TADA1: variants seen among roughly 807,000 people sequenced by gnomAD.
TADA1 encodes transcriptional adaptor 1.
Under a neutral mutation model 39.3 loss-of-function variants are expected in TADA1, and 23 were observed. That is an observed-to-expected ratio of 0.58 (90% CI 0.42 to 0.83). TADA1 has a LOEUF of 0.83. TADA1 is among the 40% of genes least tolerant of loss of function. The probability of loss-of-function intolerance (pLI) is 0.00; values close to 1 mark genes in which losing one functional copy is unlikely to be tolerated. For missense variants in TADA1, 352 were observed against 408.1 expected, an observed-to-expected ratio of 0.86 and a Z score of 1.18; for synonymous variants, 137 against 151.8, an observed-to-expected ratio of 0.90 and a Z score of 0.72.
Position 166,870,941 on chromosome 1 carries a change from C to T in TADA1, c.75-1087G>A, listed in dbSNP as rs1265687107. 2.0e-5 allele frequency among the ~76,000 whole-genome samples: 3 copies of T among 152,238 alleles called. No homozygotes were observed. In the East Asian group the frequency reaches 5.8e-4, roughly 29 times the overall value. ...TCTCACTGTCACCTTTCTAATAGAC[C>T]TACTCTCCAGAATCCTGCATTTAAG... On this transcript the variant is annotated intron_variant, in intron 1 of 7. Transcript: ENST00000367874.
At chr1:166,876,060 G>A in intron 1 of TADA1, 100 bp downstream of exon 1, 3 of 1,219,194 alleles carry the variant, frequency 2.5e-6, no homozygotes, top group Non-Finnish European at 3.4e-6. Flanking sequence ...AGGCTGCACA[G>A]GCCCCCGGGC....
Position 166,857,346 on chromosome 1 carries a change from C to T in TADA1, c.*221G>A, listed in dbSNP as rs772694876. ...AGGCACAGGATTTCATTAGTGCCTG[C>T]TCCCACAACTGGGAACACATACATA... On this transcript the variant is annotated 3_prime_UTR_variant, in exon 8 of 8. Coordinates refer to ENST00000367874, the MANE Select transcript of TADA1 (RefSeq NM_053053.4). The T allele has an allele frequency of 1.0e-4, 52 of 503,234 alleles. No homozygotes were observed. The South Asian group carries it at 1.6e-3, about 16-fold the overall frequency. 31.2% of individuals were successfully genotyped at this position (503,234 alleles called of 1,614,324 possible). A position where few individuals can be genotyped will look rare whatever the true frequency, so the allele number is the denominator to read the frequency against.
At position 166,857,648 on chromosome 1, in the gene TADA1, C is replaced by A. The variant is rs1391170494; in HGVS notation, c.927G>T (p.Trp309Cys). 1 of 1,614,048 alleles carries A rather than the reference C, an allele frequency of 6.2e-7. No homozygotes were observed. The highest frequency in any genetic ancestry group is 8.5e-7 in the Non-Finnish European group (1 of 1,180,050). ...GCTGCAGCTCTTCATGATTTGGATGCCAGAGTTTCGTGATGATCCTTTCAA... is the reference window on the plus strand; with the variant it reads ...GCTGCAGCTCTTCATGATTTGGATGACAGAGTTTCGTGATGATCCTTTCAA... ...LNIERIITKL[W>C]HPNHEELQQD... Residue 309 changes from tryptophan to cysteine, a missense_variant, in exon 8 of 8, where the codon TGG becomes TGT. This residue lies in a region of TADA1 where 285 missense variants were observed against 310.9 expected (regional missense o/e 0.92). Coordinates refer to ENST00000367874, the MANE Select transcript of TADA1 (RefSeq NM_053053.4).
In TADA1 at chr1:166,860,286, G is replaced by A. The variant is rs776604977; in HGVS notation, c.592C>T (p.Arg198Trp). Residue 198 changes from arginine (R) to tryptophan (W), a missense_variant, in exon 6 of 8, where the codon CGG (arginine) becomes TGG (tryptophan). Coordinates refer to ENST00000367874, the MANE Select transcript of TADA1 (RefSeq NM_053053.4). ...TATTTAAAATGACCATCTCGTAACC[G>A]ATAAGCTTTCCTTCTTGACACAACT... is the stretch of plus-strand genomic sequence containing the variant. ...TSVVSRRKAY[R>W]LRDGHFKYAF... The A allele has an allele frequency of 1.4e-4, 232 of 1,613,762 alleles. 1 individual carries two copies. The Admixed American group carries it at 2.1e-3, about 14-fold the overall frequency.
intron 1 of TADA1, among the ~76,000 whole-genome samples, chr1:166,871,560 C>T (rs868197292): frequency 5.3e-5 from 8 of 152,080 alleles, no homozygotes; most frequent in Non-Finnish European, 7.4e-5. Flanking sequence ...GGAGAAAACC[C>T]ATAGCCTTTA....
At chr1:166,858,319 G>C in intron 6 of TADA1, 38 bp from the exon 7 acceptor site, 1 of 1,479,074 alleles carries the variant, frequency 6.8e-7, no homozygotes, top group African/African-American at 1.4e-5. Context: ...CCAGCACAGA[G>C]ACAACTGAGC....
chr1:166,874,940 CA>C (rs1658732317), intron 1 of TADA1, among the ~76,000 whole-genome samples: 2 of 152,226 alleles, frequency 1.3e-5, no homozygotes, highest in African/African-American at 4.8e-5. Context: ...TCTGCCACCC[CA>C]AAATTTCACA....
intron 1 of TADA1, among the ~76,000 whole-genome samples, chr1:166,874,780 C>T (rs982045027): frequency 6.6e-6 from 1 of 152,118 alleles, no homozygotes; most frequent in African/African-American, 2.4e-5. Context: ...AGACCCCAAC[C>T]CCCAAACACA....
intron 1 of TADA1, among the ~76,000 whole-genome samples, chr1:166,873,132 A>G (rs917602313): frequency 5.3e-5 from 8 of 152,032 alleles, no homozygotes; most frequent in African/African-American, 9.7e-5. Context: ...TGAGTCGGAC[A>G]TGGTGGTGGG....
At chr1:166,874,845 T>C (rs969309093) in intron 1 of TADA1, among the ~76,000 whole-genome samples, 8 of 152,236 alleles carry the variant, frequency 5.3e-5, no homozygotes, top group Non-Finnish European at 1.2e-4. Context: ...TAAATAATTA[T>C]GCTAAAATAA....
rs74915584 is a variant in TADA1 at position 166,859,215 on chromosome 1, C to G, written c.693-934G>C. ...GCACTGGCACAAACTCCCACATGTG[C>G]TATCAACACTCCCTCTATCCAACTC... On this transcript the variant is annotated intron_variant, in intron 6 of 7. Coordinates refer to ENST00000367874, the MANE Select transcript of TADA1 (RefSeq NM_053053.4). 6.9e-3 allele frequency among the ~76,000 whole-genome samples: 1,045 copies of G among 152,278 alleles called. 3 individuals are homozygous for G. The highest frequency in any genetic ancestry group is 0.018 in the African/African-American group (750 of 41,550).
At chr1:166,863,688 G>A (rs1455602338) in intron 4 of TADA1, 136 bp downstream of exon 4, 14 of 775,802 alleles carry the variant, frequency 1.8e-5, no homozygotes, top group Admixed American at 5.6e-5. Flanking sequence ...TCCTTGAAAC[G>A]CTTTTCTTCC....
In TADA1 at chr1:166,860,314, C is replaced by G. The variant is rs142392611; in HGVS notation, c.564G>C (p.Thr188=). The change falls in exon 6 of 8, where the codon ACG becomes ACC. Residue 188 remains threonine, a synonymous_variant. Transcript: ENST00000367874. ...AVENHLKDIL[T]SVVSRRKAYR... is the part of the protein sequence containing the mutation. ...AAGCTTTCCTTCTTGACACAACTGA[C>G]GTCAGTATATCTTTAAGGTGATTCT... The G allele has an allele frequency of 6.2e-7, 1 of 1,611,930 alleles. No homozygotes were observed. The highest frequency in any genetic ancestry group is 1.1e-5 in the South Asian group (1 of 90,480).
At position 166,860,207 on chromosome 1, in the gene TADA1, G is replaced by A; in HGVS notation, c.671C>T (p.Ala224Val). The A allele has an allele frequency of 2.5e-6, 4 of 1,601,148 alleles. No homozygotes were observed. The highest frequency in any genetic ancestry group is 1.1e-5 in the South Asian group (1 of 87,816). Residue 224 changes from alanine (A) to valine (V), a missense_variant, in exon 6 of 8, where the codon GCT becomes GTT. Ala to Val is a moderately conservative substitution (Grantham distance 64, BLOSUM62 0). This residue lies in a region of TADA1 where 285 missense variants were observed against 310.9 expected (regional missense o/e 0.92). Coordinates refer to ENST00000367874, the MANE Select transcript of TADA1 (RefSeq NM_053053.4). ...PQPYLKNSVV[A>V]YNNLIESPPA... Reference sequence around the variant, plus strand: ...TTACCTTTCTATTAAGTTGTTGTAAGCTACTACACTATTCTTCAGGTATGG... The same window carrying A: ...TTACCTTTCTATTAAGTTGTTGTAAACTACTACACTATTCTTCAGGTATGG...
At chr1:166,866,396 A>T (rs779856653) in intron 3 of TADA1, among the ~76,000 whole-genome samples, 1 of 152,204 alleles carries the variant, frequency 6.6e-6, no homozygotes, top group Non-Finnish European at 1.5e-5. Flanking sequence ...ATTAAAGATA[A>T]TGCATATAAA....
intron 3 of TADA1, 73 bp from the exon 4 acceptor site, chr1:166,863,994 G>A (rs1658473552): frequency 2.3e-6 from 3 of 1,286,140 alleles, no homozygotes; most frequent in Non-Finnish European, 3.2e-6. Flanking sequence ...TTTTCATTTG[G>A]GGTAAAAAGC....
At chr1:166,873,781 A>C (rs900434215) in intron 1 of TADA1, among the ~76,000 whole-genome samples, 1 of 152,202 alleles carries the variant, frequency 6.6e-6, no homozygotes, top group African/African-American at 2.4e-5. Context: ...ATTTAGCTTC[A>C]GCATCAGTAT....
At chr1:166,863,995 G>T in intron 3 of TADA1, 74 bp from the exon 4 acceptor site, 1 of 1,267,586 alleles carries the variant, frequency 7.9e-7, no homozygotes, top group Middle Eastern at 1.9e-4. Context: ...TTTCATTTGG[G>T]GTAAAAAGCA....
At position 166,864,085 on chromosome 1, in the gene TADA1, C is replaced by T. The variant is rs991595083; in HGVS notation, c.233-164G>A. 3.9e-5 allele frequency among the ~76,000 whole-genome samples: 6 copies of T among 152,170 alleles called. No individual in the cohort carries two copies. The East Asian group carries it at 5.8e-4, about 15-fold the overall frequency. On this transcript the variant is annotated intron_variant, in intron 3 of 7. Coordinates refer to ENST00000367874, the MANE Select transcript of TADA1 (RefSeq NM_053053.4). Reference sequence around the variant, plus strand: ...TTTCTACTTCTCTAAATAAAATTATCGATCCTCTCAAATCACATTTTTTTC... The same window carrying T: ...TTTCTACTTCTCTAAATAAAATTATTGATCCTCTCAAATCACATTTTTTTC...
Sources: allele counts gnomAD v4.1 joint callset (sites outside exome capture counted in the v4.1 genomes callset), GRCh38; gene constraint gnomAD v4.1.1; regional missense constraint gnomAD v4.1.1; transcripts MANE v1.5; gene names NCBI Gene and HGNC (gene_info 2026-07-23, HGNC 2026-07-21).